Variants in MIR2052HG observed in about 807,000 individuals in gnomAD.
MIR2052HG encodes the protein MIR2052 host gene.
At chr8:74,739,195 C>G (rs75392307) in intron 4 of MIR2052HG, among the ~76,000 whole-genome samples, 6,527 of 152,148 alleles carry the variant, frequency 0.043, 319 homozygotes, top group African/African-American at 0.11. Flanking sequence ...TGAGATGTTT[C>G]CTTGTTTCTG....
intron 2 of MIR2052HG, among the ~76,000 whole-genome samples, chr8:74,657,882 C>T (rs1034202945): frequency 1.3e-5 from 2 of 151,974 alleles, no homozygotes. Flanking sequence ...AACCATATCA[C>T]CCACTGAATC....
chr8:74,646,224 A>G (rs4735663), intron 2 of MIR2052HG, among the ~76,000 whole-genome samples: 12,807 of 152,210 alleles, frequency 0.084, 796 homozygotes, highest in African/African-American at 0.16. Flanking sequence ...AGGAATGGGG[A>G]TCCAGGGAAG....
At chr8:74,658,435 G>C (rs1448173257) in intron 2 of MIR2052HG, among the ~76,000 whole-genome samples, 1 of 150,950 alleles carries the variant, frequency 6.6e-6, no homozygotes, top group Non-Finnish European at 1.5e-5. Flanking sequence ...CTGTCGCCCA[G>C]GCTGGAGTGC....
chr8:74,689,848 G>A (rs1809221270), intron 2 of MIR2052HG, among the ~76,000 whole-genome samples: 1 of 152,152 alleles, frequency 6.6e-6, no homozygotes, highest in Admixed American at 6.5e-5. Context: ...CACTATGGGA[G>A]ATTCTGGGGA....
chr8:74,705,984 C>T (rs76753436), intron 4 of MIR2052HG, among the ~76,000 whole-genome samples: 3,933 of 152,036 alleles, frequency 0.026, 164 homozygotes, highest in African/African-American at 0.089. Context: ...TTCTAAAAGA[C>T]GACACATCAA....
chr8:74,686,692 T>G (rs1809185245), intron 2 of MIR2052HG, among the ~76,000 whole-genome samples: 1 of 152,088 alleles, frequency 6.6e-6, no homozygotes, highest in Admixed American at 6.6e-5. Flanking sequence ...GTAAGGCATA[T>G]ATGTATATTG....
rs1422280221 is a variant in MIR2052HG at position 74,657,360 on chromosome 8, C to G, written n.216+44420C>G. On this transcript the variant is annotated intron_variant and non_coding_transcript_variant, in intron 2 of 6. Coordinates refer to ENST00000523442, the Ensembl canonical transcript of MIR2052HG. Reference sequence around the variant, plus strand: ...TACAATAAACCACTTCATCATTCCCCTATAACTTTTCAGTGACTCCTCATT... The same window carrying G: ...TACAATAAACCACTTCATCATTCCCGTATAACTTTTCAGTGACTCCTCATT... 2.0e-5 allele frequency among the ~76,000 whole-genome samples: 3 copies of G among 152,140 alleles called. No homozygotes were observed. The East Asian group carries it at 5.8e-4, about 29-fold the overall frequency.
chr8:74,717,734 G>A (rs1809534451), intron 4 of MIR2052HG, among the ~76,000 whole-genome samples: 1 of 151,732 alleles, frequency 6.6e-6, no homozygotes, highest in South Asian at 2.1e-4. Context: ...CCTGAGCCCA[G>A]GAGTTCAAGG....
chr8:74,706,447 A>G (rs1232228928), intron 4 of MIR2052HG, among the ~76,000 whole-genome samples: 2 of 152,208 alleles, frequency 1.3e-5, no homozygotes, highest in African/African-American at 4.8e-5. Context: ...AGGCAAATTA[A>G]TTAGCGTTCA....
chr8:74,646,244 A>G (rs955630930), intron 2 of MIR2052HG, among the ~76,000 whole-genome samples: 1 of 152,196 alleles, frequency 6.6e-6, no homozygotes, highest in African/African-American at 2.4e-5. Context: ...GACTTCCTAG[A>G]GGAAGTAAGA....
chr8:74,644,632 T>C (rs1180900838), intron 2 of MIR2052HG, among the ~76,000 whole-genome samples: 1 of 152,184 alleles, frequency 6.6e-6, no homozygotes, highest in Admixed American at 6.5e-5. Flanking sequence ...GGCTCACGCC[T>C]ACAATCCTAG....
At chr8:74,713,167 G>A (rs1386694228) in intron 4 of MIR2052HG, among the ~76,000 whole-genome samples, 1 of 152,166 alleles carries the variant, frequency 6.6e-6, no homozygotes, top group African/African-American at 2.4e-5. Context: ...TCCTGTGCAT[G>A]TGTTAATAAG....
chr8:74,635,824 A>T (rs1160280507), intron 2 of MIR2052HG, among the ~76,000 whole-genome samples: 2 of 152,198 alleles, frequency 1.3e-5, no homozygotes, highest in African/African-American at 2.4e-5. Context: ...TTCTTTAGAG[A>T]ATTTTTATTT....
At chr8:74,611,760 G>A (rs1171097873) in intron 1 of MIR2052HG, among the ~76,000 whole-genome samples, 1 of 152,108 alleles carries the variant, frequency 6.6e-6, no homozygotes, top group African/African-American at 2.4e-5. Context: ...GGCTCCTCAT[G>A]TAAATTTGCA....
At chr8:74,662,520 G>T (rs1015540983) in intron 2 of MIR2052HG, among the ~76,000 whole-genome samples, 1 of 151,990 alleles carries the variant, frequency 6.6e-6, no homozygotes, top group Non-Finnish European at 1.5e-5. Flanking sequence ...GGTTGACATG[G>T]CACATGTATA....
At chr8:74,728,805 G>C (rs1363172139) in intron 4 of MIR2052HG, among the ~76,000 whole-genome samples, 2 of 152,146 alleles carry the variant, frequency 1.3e-5, no homozygotes, top group Non-Finnish European at 2.9e-5. Context: ...AAGATTCAAA[G>C]TCTGCCATGC....
At chr8:74,689,451 A>C (rs1467648696) in intron 2 of MIR2052HG, among the ~76,000 whole-genome samples, 2 of 152,230 alleles carry the variant, frequency 1.3e-5, no homozygotes, top group Non-Finnish European at 2.9e-5. Context: ...TTTGGTTACC[A>C]ATAAATGTTT....
In MIR2052HG at chr8:74,641,105, G is replaced by A. The variant is rs114403612; in HGVS notation, n.216+28165G>A. ...CGATAATTACAAAATTGTGTTTATC[G>A]TGAAGATAGTCTGTATAAGAAATTG... On this transcript the variant is annotated intron_variant and non_coding_transcript_variant, in intron 2 of 6. Coordinates refer to ENST00000523442, the Ensembl canonical transcript of MIR2052HG. Among the ~76,000 whole-genome samples, 901 of 152,200 alleles carry A rather than the reference G, an allele frequency of 5.9e-3. 8 individuals carry two copies. The highest frequency in any genetic ancestry group is 0.02 in the African/African-American group (828 of 41,538).
At chr8:74,745,255 C>G (rs1485249063) in intron 4 of MIR2052HG, among the ~76,000 whole-genome samples, 5 of 152,010 alleles carry the variant, frequency 3.3e-5, no homozygotes, top group African/African-American at 1.2e-4. Context: ...AGAGCTAGAC[C>G]TCATCTCAAA....
Sources: gnomAD v4.1 joint callset for allele counts (sites outside exome capture counted in the v4.1 genomes callset) on GRCh38, gnomAD v4.1.1 for gene constraint, MANE v1.5 for transcripts, NCBI Gene and HGNC (gene_info 2026-07-23, HGNC 2026-07-21) for gene names.